Variants in TRIM71 observed in about 807,000 individuals in gnomAD.
The protein encoded by TRIM71 is tripartite motif containing 71.
Under a neutral mutation model 61.2 loss-of-function variants are expected in TRIM71, and 9 were observed. That is an observed-to-expected ratio of 0.15 (90% CI 0.09 to 0.26). The LOEUF (loss-of-function observed/expected upper bound fraction) is 0.26, where lower values mean the gene tolerates loss of function less well. TRIM71 is among the 10% of genes least tolerant of loss of function. TRIM71 has a pLI of 1.00. For missense variants in TRIM71, 998 were observed against 1,238.7 expected (o/e 0.81, Z 2.92); for synonymous variants, 645 against 553.2 (o/e 1.17, Z -2.33).
Position 32,892,455 on chromosome 3 carries a change from G to A in TRIM71, c.*644G>A, listed in dbSNP as rs1273429425. Reference sequence around the variant, plus strand: ...CTGTTCTCTGTTTATACCTCAGTGTGTTTAACATCCTCTTCTGCATCGTTT... The same window carrying A: ...CTGTTCTCTGTTTATACCTCAGTGTATTTAACATCCTCTTCTGCATCGTTT... On this transcript the variant is annotated 3_prime_UTR_variant, in exon 4 of 4. Coordinates refer to ENST00000383763, the MANE Select transcript of TRIM71 (RefSeq NM_001039111.3). The A allele has an allele frequency of 6.6e-6, 1 of 152,224 alleles. No individual in the cohort carries two copies. The highest frequency in any genetic ancestry group is 1.5e-5 in the Non-Finnish European group (1 of 68,056). The allele number at this position is 152,224 out of a possible 1,614,324, so 9.4% of individuals were successfully genotyped here. A position where few individuals can be genotyped will look rare whatever the true frequency, so the allele number is the denominator to read the frequency against.
At chr3:32,826,323 C>A (rs1057068113) in intron 1 of TRIM71, among the ~76,000 whole-genome samples, 7 of 152,018 alleles carry the variant, frequency 4.6e-5, no homozygotes, top group African/African-American at 1.7e-4. Flanking sequence ...CCGGACGAAT[C>A]CCAGCTACTG....
Position 32,829,171 on chromosome 3 carries a change from T to C in TRIM71, c.852+10239T>C, listed in dbSNP as rs556787952. Among the ~76,000 whole-genome samples the C allele has an allele frequency of 7.2e-4, 108 of 149,698 alleles. 2 individuals carry two copies. The highest frequency in any genetic ancestry group is 2.5e-3 in the African/African-American group (102 of 41,070). Reference sequence around the variant, plus strand: ...GCCATGCCTGGATAATTTTCTTTTTTTCTTTTTTCTTTTCTTTTTTTTTTT... The same window carrying C: ...GCCATGCCTGGATAATTTTCTTTTTCTCTTTTTTCTTTTCTTTTTTTTTTT... On this transcript the variant is annotated intron_variant, in intron 1 of 3. Transcript: ENST00000383763.
In TRIM71 at chr3:32,891,712, C is replaced by T. The variant is rs774471123; in HGVS notation, c.2508C>T (p.Ser836=). Reference sequence around the variant, plus strand: ...TGTGCAAGTTTGGTGCTCAAGGCAGCGGCTTTGGGCAGATGGACCGCCCTT... The same window carrying T: ...TGTGCAAGTTTGGTGCTCAAGGCAGTGGCTTTGGGCAGATGGACCGCCCTT... ...SFLCKFGAQG[S]GFGQMDRPSG... is the part of the protein sequence containing the mutation. Residue 836 remains serine, a synonymous_variant, in exon 4 of 4, where the codon AGC becomes AGT. Transcript: ENST00000383763. The surrounding 1 kb of genome is among the most constrained non-coding windows in gnomAD (Gnocchi z 8.2). 1.1e-5 allele frequency: 18 copies of T among 1,614,104 alleles called. No individual in the cohort carries two copies. Among genetic ancestry groups the T allele is most frequent in the South Asian group, 1.1e-4 (10 of 91,072 alleles).
At position 32,818,673 on chromosome 3, in the gene TRIM71, G is replaced by A. The variant is rs751952801; in HGVS notation, c.593G>A (p.Gly198Asp). The change falls in exon 1 of 4, where the codon GGC becomes GAC. Residue 198 changes from glycine (G) to aspartate (D), a missense_variant. Physicochemically the swap from Gly to Asp is moderately conservative, Grantham distance 94. Coordinates refer to ENST00000383763, the MANE Select transcript of TRIM71 (RefSeq NM_001039111.3). ...GCGCTGCTGCTCCGCCGTCCTCACG[G>A]CTGCAGCTCGTGCGATGAGGGCAAC... Reference protein sequence around the residue: ...PSALLLRRPHGCSSCDEGNAA... With the variant: ...PSALLLRRPHDCSSCDEGNAA... 1.7e-5 allele frequency: 26 copies of A among 1,548,950 alleles called. No individual in the cohort carries two copies. In the African/African-American group the frequency reaches 3.2e-4, roughly 19 times the overall value.
At chr3:32,827,333 G>A (rs1696214916) in intron 1 of TRIM71, among the ~76,000 whole-genome samples, 1 of 141,336 alleles carries the variant, frequency 7.1e-6, no homozygotes. Context: ...GTGTGATCTC[G>A]GCTCCTTGTA....
At chr3:32,872,984 T>G (rs1381107773) in intron 1 of TRIM71, among the ~76,000 whole-genome samples, 1 of 152,098 alleles carries the variant, frequency 6.6e-6, no homozygotes, top group East Asian at 1.9e-4. Context: ...ACTGGCCCAG[T>G]TTCTATGCCA....
At chr3:32,837,452 G>C (rs928478483) in intron 1 of TRIM71, among the ~76,000 whole-genome samples, 1 of 152,160 alleles carries the variant, frequency 6.6e-6, no homozygotes, top group Non-Finnish European at 1.5e-5. Flanking sequence ...TGTGGATATG[G>C]TCAAATCTCT....
chr3:32,862,114 A>G (rs1049268155), intron 1 of TRIM71, among the ~76,000 whole-genome samples: 1 of 152,196 alleles, frequency 6.6e-6, no homozygotes, highest in Non-Finnish European at 1.5e-5. Context: ...CTAGAAAGGT[A>G]ACTGGCTCTA....
chr3:32,886,086 C>T lies in TRIM71; in HGVS notation c.1155+18C>T. The stretch of plus-strand genomic sequence containing the variant: ...TGTGGAAGGTAACAGGGAGAGCTCC[C>T]CCACCCAGGCTGTGCCCACTCGGCT... On this transcript the variant is annotated intron_variant, in intron 3 of 3. Coordinates refer to ENST00000383763, the MANE Select transcript of TRIM71 (RefSeq NM_001039111.3). 1.2e-6 allele frequency: 2 copies of T among 1,605,770 alleles called. No homozygotes were observed. The highest frequency in any genetic ancestry group is 1.7e-6 in the Non-Finnish European group (2 of 1,176,062).
intron 1 of TRIM71, among the ~76,000 whole-genome samples, chr3:32,853,887 C>T (rs1316795471): frequency 2.6e-5 from 4 of 152,074 alleles, no homozygotes; most frequent in Non-Finnish European, 5.9e-5. Context: ...GCCTGTAGAC[C>T]CAGCTACTCA....
At chr3:32,854,899 A>G (rs536320073) in intron 1 of TRIM71, among the ~76,000 whole-genome samples, 1 of 152,308 alleles carries the variant, frequency 6.6e-6, no homozygotes, top group South Asian at 2.1e-4. Flanking sequence ...TTCGTTGTAC[A>G]GTGATCTCCC....
chr3:32,852,047 C>T (rs1164948460), intron 1 of TRIM71, among the ~76,000 whole-genome samples: 1 of 152,162 alleles, frequency 6.6e-6, no homozygotes, highest in Non-Finnish European at 1.5e-5. Context: ...CTGGAGCGTG[C>T]CCGAGGGGTC....
At chr3:32,822,809 C>A (rs905062283) in intron 1 of TRIM71, among the ~76,000 whole-genome samples, 3 of 152,208 alleles carry the variant, frequency 2.0e-5, no homozygotes, top group Non-Finnish European at 2.9e-5. Context: ...ACTTTCCTAT[C>A]TTTTCCGTCT....
chr3:32,846,884 G>A (rs1696481838), intron 1 of TRIM71, among the ~76,000 whole-genome samples: 2 of 152,142 alleles, frequency 1.3e-5, no homozygotes, highest in Non-Finnish European at 1.5e-5. Flanking sequence ...TTTAAAGGCT[G>A]AATAGTATTC....
At chr3:32,845,070 C>G (rs573990618) in intron 1 of TRIM71, among the ~76,000 whole-genome samples, 94 of 152,310 alleles carry the variant, frequency 6.2e-4, no homozygotes, top group Non-Finnish European at 7.8e-4. Flanking sequence ...CCAGGTCTTC[C>G]CTTCTGGTTT....
chr3:32,838,260 G>A (rs1325165713), intron 1 of TRIM71, among the ~76,000 whole-genome samples: 4 of 152,040 alleles, frequency 2.6e-5, no homozygotes, highest in Non-Finnish European at 5.9e-5. Context: ...TTTCACTATC[G>A]TTGCCCAGGC....
rs1421934001 is a variant in TRIM71 at position 32,895,832 on chromosome 3, T to G, written c.*4021T>G. 1 of 152,250 alleles carries G rather than the reference T, an allele frequency of 6.6e-6. No individual in the cohort carries two copies. The highest frequency in any genetic ancestry group is 6.5e-5 in the Admixed American group (1 of 15,270). The allele number at this position is 152,250 out of a possible 1,614,324, so 9.4% of individuals were successfully genotyped here. A position where few individuals can be genotyped will look rare whatever the true frequency, so the allele number is the denominator to read the frequency against. ...TTTTGCTGAGTTTCTACCTCACTTG[T>G]GGCAAGTCATCTACCTCATGTTAGC... On this transcript the variant is annotated 3_prime_UTR_variant, in exon 4 of 4. Coordinates refer to ENST00000383763, the MANE Select transcript of TRIM71 (RefSeq NM_001039111.3).
chr3:32,862,240 G>A lies in TRIM71; in HGVS notation c.853-11578G>A, dbSNP rs576865555. On this transcript the variant is annotated intron_variant, in intron 1 of 3. Transcript: ENST00000383763. The stretch of plus-strand genomic sequence containing the variant: ...AAGATGATGGAACTTGCAGAGAGGA[G>A]GGAAGTGCTCGGTTGTGTTAAAGGT... Among the ~76,000 whole-genome samples, 137 of 152,302 alleles carry A rather than the reference G, an allele frequency of 9.0e-4. 1 individual carries two copies. The highest frequency in any genetic ancestry group is 3.4e-3 in the Middle Eastern group (1 of 294).
chr3:32,896,452 T>C lies in TRIM71; in HGVS notation c.*4641T>C, dbSNP rs1355710227. 1 of 152,186 alleles carries C rather than the reference T, an allele frequency of 6.6e-6. No individual in the cohort carries two copies. The highest frequency in any genetic ancestry group is 1.5e-5 in the Non-Finnish European group (1 of 68,048). The allele number at this position is 152,186 out of a possible 1,614,324, so 9.4% of individuals were successfully genotyped here. Reference sequence around the variant, plus strand: ...GTAACATGTTGACGGGTTTTTTTTTTCCTTGTTTATTAAATACTTGATAAA... The same window carrying C: ...GTAACATGTTGACGGGTTTTTTTTTCCCTTGTTTATTAAATACTTGATAAA... On this transcript the variant is annotated 3_prime_UTR_variant, in exon 4 of 4. Coordinates refer to ENST00000383763, the MANE Select transcript of TRIM71 (RefSeq NM_001039111.3).
Sources: allele counts gnomAD v4.1 joint callset (sites outside exome capture counted in the v4.1 genomes callset), GRCh38; gene constraint gnomAD v4.1.1; non-coding constraint Gnocchi (gnomAD v3.1); transcripts MANE v1.5; gene names NCBI Gene and HGNC (gene_info 2026-07-23, HGNC 2026-07-21).